C2orf72: variants seen among roughly 807,000 people sequenced by gnomAD.
The protein encoded by C2orf72 is uncharacterized protein C2orf72.
In C2orf72, 16 loss-of-function variants were observed where a neutral mutation model predicts 14.4. That is an observed-to-expected ratio of 1.11 (90% CI 0.75 to 1.69). The LOEUF is 1.69. Among genes scored for constraint, C2orf72 ranks in the 40% most tolerant of loss-of-function variants. C2orf72 has a pLI of 0.00. For synonymous variants in C2orf72, 168 were observed against 176.8 expected (o/e 0.95, Z 0.40); for missense variants, 371 against 358.3 (o/e 1.04, Z -0.29).
chr2:231,041,697 C>T (rs1484350846), intron 2 of C2orf72, among the ~76,000 whole-genome samples: 1 of 151,930 alleles, frequency 6.6e-6, no homozygotes, highest in African/African-American at 2.4e-5. Flanking sequence ...ATGGGACGTG[C>T]ATGGGACCAA....
intron 2 of C2orf72, among the ~76,000 whole-genome samples, chr2:231,042,114 G>C (rs544412325): frequency 6.6e-6 from 1 of 152,064 alleles, no homozygotes; most frequent in Non-Finnish European, 1.5e-5. Context: ...GCCTGGGCCC[G>C]ACCTGGGCAG....
chr2:231,042,861 G>A (rs564379619), intron 2 of C2orf72, among the ~76,000 whole-genome samples: 20 of 152,290 alleles, frequency 1.3e-4, no homozygotes, highest in South Asian at 8.3e-4. Context: ...AAAATTAGCC[G>A]GGTGTGGTGG....
At chr2:231,046,059 G>A (rs969802107) in intron 2 of C2orf72, among the ~76,000 whole-genome samples, 6 of 152,128 alleles carry the variant, frequency 3.9e-5, no homozygotes, top group Non-Finnish European at 5.9e-5. Context: ...TTGCGAGGCC[G>A]AGGCAGGGGG....
chr2:231,045,363 T>A (rs924670588), intron 2 of C2orf72, among the ~76,000 whole-genome samples: 3 of 152,080 alleles, frequency 2.0e-5, no homozygotes, highest in African/African-American at 7.2e-5. Flanking sequence ...TGTATATAAT[T>A]GTATGTACTA....
At chr2:231,038,319 G>A (rs973130855) in intron 1 of C2orf72, 120 bp downstream of exon 1, 2 of 836,426 alleles carry the variant, frequency 2.4e-6, no homozygotes, top group Non-Finnish European at 3.0e-6. Context: ...CTCAGAGCAG[G>A]GAGGTGCCTA....
At chr2:231,038,672 G>A (rs897140665) in intron 1 of C2orf72, among the ~76,000 whole-genome samples, 2 of 152,158 alleles carry the variant, frequency 1.3e-5, no homozygotes, top group African/African-American at 4.8e-5. Context: ...GGAGCTCTAG[G>A]AGGGGCGGAG....
chr2:231,038,038 C>CGGGGCT lies in C2orf72; in HGVS notation c.475_480dup (p.Gly159_Leu160dup). 2.7e-6 allele frequency: 3 copies of CGGGGCT among 1,091,414 alleles called. No individual in the cohort carries two copies. The highest frequency in any genetic ancestry group is 3.3e-6 in the Non-Finnish European group (3 of 899,906). 67.6% of individuals were successfully genotyped at this position (1,091,414 alleles called of 1,614,324 possible). On this transcript the variant is annotated inframe_insertion, in exon 1 of 3. Coordinates refer to ENST00000373640, the MANE Select transcript of C2orf72 (RefSeq NM_001144994.2). ...GCCGGGCCAGAGGACGCGGTGGCGC[C>CGGGGCT]GGGGCTGCGGCTGCTGGAGGCGCTG...
In C2orf72 at chr2:231,048,676, G is replaced by A. The variant is rs1444900468; in HGVS notation, c.*1655G>A. 1 of 152,270 alleles carries A rather than the reference G, an allele frequency of 6.6e-6. No individual in the cohort carries two copies. The highest frequency in any genetic ancestry group is 1.5e-5 in the Non-Finnish European group (1 of 68,102). The allele number at this position is 152,270 out of a possible 1,614,324, so 9.4% of individuals were successfully genotyped here. Reference sequence around the variant, plus strand: ...TCCTATTCCTTCCCTGCCTGATGAGGATGGTGTGAGGATGAGGAGGACGGC... The same window carrying A: ...TCCTATTCCTTCCCTGCCTGATGAGAATGGTGTGAGGATGAGGAGGACGGC... On this transcript the variant is annotated 3_prime_UTR_variant, in exon 3 of 3. Coordinates refer to ENST00000373640, the MANE Select transcript of C2orf72 (RefSeq NM_001144994.2).
chr2:231,043,056 G>A (rs1286678862), intron 2 of C2orf72, among the ~76,000 whole-genome samples: 1 of 152,230 alleles, frequency 6.6e-6, no homozygotes. Context: ...CAAAGGCATT[G>A]ATTAGGTGTC....
chr2:231,044,945 T>TTTTATATA lies in C2orf72; in HGVS notation c.749-1936_749-1935insTTATATAT, dbSNP rs1553555571. The stretch of plus-strand genomic sequence containing the variant: ...TATACGTGTGTGTGTATATATATCT[T>TTTTATATA]TATATATATATATATATACACACAC... On this transcript the variant is annotated intron_variant, in intron 2 of 2. Coordinates refer to ENST00000373640, the MANE Select transcript of C2orf72 (RefSeq NM_001144994.2). Among the ~76,000 whole-genome samples, 809 of 141,660 alleles carry TTTTATATA rather than the reference T, an allele frequency of 5.7e-3. 10 individuals are homozygous for TTTTATATA. The highest frequency in any genetic ancestry group is 0.02 in the African/African-American group (759 of 37,972). The allele number at this position is 141,660 out of a possible 152,430, so 92.9% of individuals were successfully genotyped here.
chr2:231,041,472 C>T (rs1693339105), intron 2 of C2orf72, 63 bp downstream of exon 2: 4 of 1,311,254 alleles, frequency 3.1e-6, no homozygotes, highest in South Asian at 1.3e-5. Context: ...GGAGTGGTCA[C>T]GTGAACTTGG....
rs959916586 is a variant in C2orf72, at chr2:231,037,994, C to G, written c.429C>G (p.Val143=). The G allele has an allele frequency of 1.4e-5, 15 of 1,042,140 alleles. No homozygotes were observed. Among genetic ancestry groups the G allele is most frequent in the Non-Finnish European group, 1.7e-5 (15 of 871,044 alleles). 64.6% of individuals were successfully genotyped at this position (1,042,140 alleles called of 1,614,324 possible). A position where few individuals can be genotyped will look rare whatever the true frequency, so the allele number is the denominator to read the frequency against. ...RGRRRAGAAL[V]GVLVAEAGPE... ...GGCGGCGGGCCGGGGCGGCGCTGGT[C>G]GGGGTGCTGGTGGCCGAGGCCGGGC... The change falls in exon 1 of 3, where the codon GTC becomes GTG. Residue 143 remains valine (V), a synonymous_variant. Coordinates refer to ENST00000373640, the MANE Select transcript of C2orf72 (RefSeq NM_001144994.2).
chr2:231,042,814 G>A (rs1389994129), intron 2 of C2orf72, among the ~76,000 whole-genome samples: 1 of 152,184 alleles, frequency 6.6e-6, no homozygotes, highest in Non-Finnish European at 1.5e-5. Flanking sequence ...AGCCCAGCCT[G>A]ACCAACATGG....
intron 1 of C2orf72, 38 bp downstream of exon 1, chr2:231,038,237 G>A (rs746312522): frequency 9.9e-4 from 1,166 of 1,176,668 alleles, no homozygotes; most frequent in Non-Finnish European, 1.2e-3. Context: ...GCGGGCGGGC[G>A]GTGGCTCGGG....
chr2:231,039,747 A>C (rs1248935740), intron 1 of C2orf72, among the ~76,000 whole-genome samples: 36 of 141,288 alleles, frequency 2.5e-4, no homozygotes, highest in Non-Finnish European at 4.2e-4. Context: ...GAGTGCATGC[A>C]TTTTTTTTTT....
At chr2:231,042,108 G>C (rs906498227) in intron 2 of C2orf72, among the ~76,000 whole-genome samples, 10 of 152,082 alleles carry the variant, frequency 6.6e-5, no homozygotes, top group African/African-American at 2.2e-4. Context: ...CAGGCGGCCT[G>C]GGCCCGACCT....
Position 231,046,950 on chromosome 2 carries a change from C to A in C2orf72, c.817C>A (p.Leu273Ile), listed in dbSNP as rs1402866182. 1 of 1,551,666 alleles carries A rather than the reference C, an allele frequency of 6.4e-7. No homozygotes were observed. The highest frequency in any genetic ancestry group is 2.4e-5 in the East Asian group (1 of 40,916). ...AIFPNGDCDD[L>I]GRGSKACDGV... ...ATTTCCCAATGGAGACTGTGATGAC[C>A]TTGGAAGGGGGTCAAAAGCCTGTGA... Residue 273 changes from leucine (L) to isoleucine (I), a missense_variant, in exon 3 of 3, where the codon CTT becomes ATT. This residue lies in a region of C2orf72 where 145 missense variants were observed against 149.4 expected (regional missense o/e 0.97). Coordinates refer to ENST00000373640, the MANE Select transcript of C2orf72 (RefSeq NM_001144994.2).
rs34513584 is a variant in C2orf72, at chr2:231,046,291, A to AGTGTGT, written c.749-548_749-543dup. 5.3e-3 allele frequency among the ~76,000 whole-genome samples: 718 copies of AGTGTGT among 136,260 alleles called. 4 individuals are homozygous for AGTGTGT. The highest frequency in any genetic ancestry group is 0.015 in the South Asian group (57 of 3,894). The allele number at this position is 136,260 out of a possible 152,430, so 89.4% of individuals were successfully genotyped here. A position where few individuals can be genotyped will look rare whatever the true frequency, so the allele number is the denominator to read the frequency against. On this transcript the variant is annotated intron_variant, in intron 2 of 2. Transcript: ENST00000373640. ...GATTTCCCCAATTTTACTTCTATGC[A>AGTGTGT]GTGTGTGTGTGTGTGTGTGTGTGTG...
At chr2:231,044,032 A>T (rs1177347140) in intron 2 of C2orf72, among the ~76,000 whole-genome samples, 1 of 152,198 alleles carries the variant, frequency 6.6e-6, no homozygotes, top group East Asian at 1.9e-4. Flanking sequence ...GGGCAACTGT[A>T]ACACAATGGT....
Sources: allele counts gnomAD v4.1 joint callset (sites outside exome capture counted in the v4.1 genomes callset), GRCh38; gene constraint gnomAD v4.1.1; regional missense constraint gnomAD v4.1.1; transcripts MANE v1.5; gene names NCBI Gene and HGNC (gene_info 2026-07-23, HGNC 2026-07-21).